ZNF253: variants seen among roughly 807,000 people sequenced by gnomAD.
ZNF253 encodes the protein DNA-binding protein.
A neutral mutation model predicts 11.9 loss-of-function variants in ZNF253; 8 were observed. That is an observed-to-expected ratio of 0.67 (90% CI 0.40 to 1.22). ZNF253 has a LOEUF of 1.22. Among genes scored for constraint, ZNF253 ranks in the 50% most tolerant of loss-of-function variants. The pLI, the probability that ZNF253 is intolerant of heterozygous loss-of-function variation, is 0.01. For missense variants in ZNF253, 485 were observed against 586.9 expected (o/e 0.83, Z 1.79); for synonymous variants, 194 against 194.9 (o/e 1.00, Z 0.04).
At chr19:19,872,121 C>G (rs1005713935) in intron 1 of ZNF253, among the ~76,000 whole-genome samples, 1 of 152,176 alleles carries the variant, frequency 6.6e-6, no homozygotes, top group African/African-American at 2.4e-5. Flanking sequence ...CGTTTTATCT[C>G]TCTTAGAATG....
At chr19:19,891,227 A>T (rs1422928329) in intron 3 of ZNF253, among the ~76,000 whole-genome samples, 1 of 152,110 alleles carries the variant, frequency 6.6e-6, no homozygotes, top group Non-Finnish European at 1.5e-5. Flanking sequence ...TTTTTCTTCT[A>T]TGTGGCTATT....
At chr19:19,866,644 A>G (rs1162040293) in intron 1 of ZNF253, among the ~76,000 whole-genome samples, 1 of 151,856 alleles carries the variant, frequency 6.6e-6, no homozygotes, top group Non-Finnish European at 1.5e-5. Context: ...GGTTACAGGC[A>G]TGCGTCACCA....
At chr19:19,875,360 A>G (rs2063150597) in intron 1 of ZNF253, among the ~76,000 whole-genome samples, 1 of 151,830 alleles carries the variant, frequency 6.6e-6, no homozygotes, top group Admixed American at 6.6e-5. Flanking sequence ...AAATATAAAC[A>G]GAATAAAATT....
In ZNF253 at chr19:19,891,644, AAC is replaced by A; in HGVS notation, c.398_399del (p.Asn133ThrfsTer14). 3 of 1,614,168 alleles carry A rather than the reference AAC, an allele frequency of 1.9e-6. No individual in the cohort carries two copies. Among genetic ancestry groups the A allele is most frequent in the Non-Finnish European group, 2.5e-6 (3 of 1,180,018 alleles). ...KVHKGGYNGL[N>X]QCLTTTQKEI... ...GCACAAAGGAGGTTATAATGGACTTAACCAATGTTTGACAACTACCCAGAAAG... is the reference window on the plus strand; with the variant it reads ...GCACAAAGGAGGTTATAATGGACTTACAATGTTTGACAACTACCCAGAAAG... On this transcript the variant is annotated frameshift_variant, in exon 4 of 4. Coordinates refer to ENST00000589717, the MANE Select transcript of ZNF253 (RefSeq NM_021047.3). LOFTEE classifies it low-confidence loss of function (END_TRUNC).
chr19:19,880,993 G>A (rs1488590989), intron 3 of ZNF253, among the ~76,000 whole-genome samples: 1 of 149,796 alleles, frequency 6.7e-6, no homozygotes, highest in Admixed American at 6.7e-5. Flanking sequence ...AGACTGTTTT[G>A]GCTATTCAAA....
intron 2 of ZNF253, 34 bp from the exon 3 acceptor site, chr19:19,880,017 G>A (rs1453225364): frequency 5.9e-6 from 9 of 1,533,618 alleles, no homozygotes; most frequent in Non-Finnish European, 7.2e-6. Flanking sequence ...GAGTATATGA[G>A]CAAGATTCAT....
At chr19:19,872,203 G>A (rs2063136497) in intron 1 of ZNF253, among the ~76,000 whole-genome samples, 1 of 152,042 alleles carries the variant, frequency 6.6e-6, no homozygotes, top group Admixed American at 6.6e-5. Flanking sequence ...AGTAACGTGT[G>A]CATTGAATAG....
chr19:19,892,142 G>A lies in ZNF253; in HGVS notation c.895G>A (p.Val299Ile), dbSNP rs760445174. ...CAAAGCCTTTAAGCACCCCTCACAC[G>A]TTACCACACATAAGAAAATTCATAC... ...CGKAFKHPSH[V>I]TTHKKIHTRG... Residue 299 changes from valine to isoleucine, a missense_variant, in exon 4 of 4, where the codon GTT becomes ATT. By Grantham distance (29) the Val-to-Ile change is conservative. Transcript: ENST00000589717. 1.9e-5 allele frequency: 31 copies of A among 1,598,598 alleles called. No homozygotes were observed. Among genetic ancestry groups the A allele is most frequent in the Middle Eastern group, 1.7e-4 (1 of 5,966 alleles).
chr19:19,869,687 T>TAA (rs35061008), intron 1 of ZNF253, among the ~76,000 whole-genome samples: 1 of 85,314 alleles, frequency 1.2e-5, no homozygotes, highest in African/African-American at 4.7e-5. Flanking sequence ...TTTTTTTTTT[T>TAA]AAAAAACAGT....
intron 2 of ZNF253, among the ~76,000 whole-genome samples, chr19:19,878,898 C>A (rs745523953): frequency 6.6e-6 from 1 of 151,986 alleles, no homozygotes; most frequent in Non-Finnish European, 1.5e-5. Context: ...CCCTATTTAC[C>A]CTGATGTAAT....
intron 3 of ZNF253, among the ~76,000 whole-genome samples, chr19:19,885,727 T>G (rs1023662868): frequency 4.6e-5 from 7 of 152,182 alleles, no homozygotes; most frequent in African/African-American, 1.7e-4. Flanking sequence ...GTTAGTTTAT[T>G]TTGTCTAAGT....
At position 19,885,276 on chromosome 19, in the gene ZNF253, T is replaced by C. The variant is rs1474959267; in HGVS notation, c.226+5130T>C. ...CTTTCTTTCTTTCTTTCTTTCTTTCTTTCTTTCTTTCTTTCTCTTTCTTTT... is the reference window on the plus strand; with the variant it reads ...CTTTCTTTCTTTCTTTCTTTCTTTCCTTCTTTCTTTCTTTCTCTTTCTTTT... On this transcript the variant is annotated intron_variant, in intron 3 of 3. Coordinates refer to ENST00000589717, the MANE Select transcript of ZNF253 (RefSeq NM_021047.3). Among the ~76,000 whole-genome samples the C allele has an allele frequency of 1.2e-4, 6 of 49,500 alleles. No homozygotes were observed. The African/African-American group carries it at 1.7e-3, about 14-fold the overall frequency. 32.5% of individuals were successfully genotyped at this position (49,500 alleles called of 152,430 possible).
At chr19:19,880,272 T>C in intron 3 of ZNF253, 126 bp downstream of exon 3, 2 of 502,114 alleles carry the variant, frequency 4.0e-6, no homozygotes, top group Non-Finnish European at 3.2e-6. Flanking sequence ...CCTGGGCAGC[T>C]GTTTTTTTTT....
intron 3 of ZNF253, among the ~76,000 whole-genome samples, chr19:19,888,991 T>C (rs1217723846): frequency 2.6e-5 from 4 of 151,942 alleles, no homozygotes; most frequent in African/African-American, 9.7e-5. Flanking sequence ...TCTGCAAAAA[T>C]TTTTTTTGAT....
At chr19:19,882,777 C>T (rs2063183172) in intron 3 of ZNF253, among the ~76,000 whole-genome samples, 1 of 152,002 alleles carries the variant, frequency 6.6e-6, no homozygotes, top group South Asian at 2.1e-4. Context: ...TGAGACCAGC[C>T]TGGCCAACAT....
At chr19:19,882,401 T>C (rs2063181650) in intron 3 of ZNF253, among the ~76,000 whole-genome samples, 1 of 152,150 alleles carries the variant, frequency 6.6e-6, no homozygotes, top group African/African-American at 2.4e-5. Context: ...ACAAGGCTGC[T>C]GGGTCTACCT....
intron 3 of ZNF253, among the ~76,000 whole-genome samples, chr19:19,883,594 C>T (rs2063186831): frequency 6.6e-6 from 1 of 152,122 alleles, no homozygotes. Context: ...TTGTTCATTT[C>T]AGGCATGTTA....
intron 3 of ZNF253, among the ~76,000 whole-genome samples, chr19:19,886,314 G>A (rs1247254864): frequency 6.6e-6 from 1 of 152,124 alleles, no homozygotes; most frequent in African/African-American, 2.4e-5. Context: ...AATAAAACTT[G>A]CTCTGTGTCC....
chr19:19,866,536 T>G (rs1421030548), intron 1 of ZNF253, among the ~76,000 whole-genome samples: 1 of 151,430 alleles, frequency 6.6e-6, no homozygotes, highest in Non-Finnish European at 1.5e-5. Context: ...TTTGCTCTTG[T>G]GGCCCAGGCT....
Sources: gnomAD v4.1 joint callset for allele counts (sites outside exome capture counted in the v4.1 genomes callset) on GRCh38, gnomAD v4.1.1 for gene constraint, MANE v1.5 for transcripts, NCBI Gene and HGNC (gene_info 2026-07-23, HGNC 2026-07-21) for gene names.